ATG13: variants seen among roughly 807,000 people sequenced by gnomAD.
The protein encoded by ATG13 is autophagy related 13, also known as autophagy-related protein 13.
ATG13 carries 23 observed loss-of-function variants against 65.5 expected under a neutral mutation model. The observed-to-expected ratio is 0.35, with a 90% CI of 0.25 to 0.50. The LOEUF (loss-of-function observed/expected upper bound fraction) is 0.50, where lower values mean the gene tolerates loss of function less well. ATG13 is among the 20% of genes least tolerant of loss of function. The pLI, the probability that ATG13 is intolerant of heterozygous loss-of-function variation, is 0.98. For missense variants in ATG13, 566 were observed against 677.0 expected, an observed-to-expected ratio of 0.84 and a Z score of 1.82; for synonymous variants, 252 against 245.2, an observed-to-expected ratio of 1.03 and a Z score of -0.26.
At chr11:46,666,098 C>T (rs534572479) in intron 14 of ATG13, among the ~76,000 whole-genome samples, 8 of 152,216 alleles carry the variant, frequency 5.3e-5, no homozygotes, top group South Asian at 2.1e-4. Context: ...TGAGCCACCA[C>T]GCACAGCCTC....
intron 13 of ATG13, 41 bp downstream of exon 13, chr11:46,665,000 G>C: frequency 1.3e-6 from 2 of 1,567,182 alleles, no homozygotes; most frequent in Non-Finnish European, 1.8e-6. Flanking sequence ...TTCCAGTGCT[G>C]CCTCCCCTGC....
chr11:46,632,995 T>TAAAAAA (rs369521444), intron 2 of ATG13, among the ~76,000 whole-genome samples: 19 of 104,364 alleles, frequency 1.8e-4, no homozygotes, highest in African/African-American at 8.8e-4. Context: ...AGACCCCCAT[T>TAAAAAA]AAAAAAAAAT....
At chr11:46,657,062 C>A (rs1438871242) in intron 8 of ATG13, 33 bp from the exon 9 acceptor site, 1 of 1,560,306 alleles carries the variant, frequency 6.4e-7, no homozygotes, top group East Asian at 2.2e-5. Context: ...GTATTCTCTG[C>A]AAAAGAAGCT....
At chr11:46,665,306 C>A (rs1218442304) in intron 13 of ATG13, 77 bp from the exon 14 acceptor site, 3 of 1,527,262 alleles carry the variant, frequency 2.0e-6, no homozygotes, top group South Asian at 1.2e-5. Flanking sequence ...AAAGCAGATA[C>A]CATCATGCTA....
In ATG13 at chr11:46,632,021, A is replaced by G. The variant is rs1024617917; in HGVS notation, c.-14+1921A>G. Among the ~76,000 whole-genome samples, 184 of 152,348 alleles carry G rather than the reference A, an allele frequency of 1.2e-3. 1 individual carries two copies. The highest frequency in any genetic ancestry group is 5.2e-4 in the Admixed American group (8 of 15,306). On this transcript the variant is annotated intron_variant, in intron 2 of 18. Transcript: ENST00000683050. Reference sequence around the variant, plus strand: ...TTGCAAAATTGAAATTGCTATTTAAAGTCCAATAAATAGTTTTTATTACTC... The same window carrying G: ...TTGCAAAATTGAAATTGCTATTTAAGGTCCAATAAATAGTTTTTATTACTC...
Position 46,624,464 on chromosome 11 carries a change from C to A in ATG13, c.-69-5581C>A, listed in dbSNP as rs558144551. Among the ~76,000 whole-genome samples, 6 of 151,976 alleles carry A rather than the reference C, an allele frequency of 3.9e-5. No homozygotes were observed. The South Asian group carries it at 1.2e-3, about 32-fold the overall frequency. On this transcript the variant is annotated intron_variant, in intron 1 of 18. Coordinates refer to ENST00000683050, the MANE Select transcript of ATG13 (RefSeq NM_001346311.2). ...CATTTAGTTGTCACACTTTATTCTC[C>A]TTTAATCTAAAATGGATCTTCAGAT...
chr11:46,672,311 C>T lies in ATG13; in HGVS notation c.1632C>T (p.Ala544=). 1.2e-6 allele frequency: 2 copies of T among 1,614,240 alleles called. No individual in the cohort carries two copies. Among genetic ancestry groups the T allele is most frequent in the Non-Finnish European group, 1.7e-6 (2 of 1,180,040 alleles). The change falls in exon 19 of 19, where the codon GCC becomes GCT. Residue 544 remains alanine, a synonymous_variant. Coordinates refer to ENST00000683050, the MANE Select transcript of ATG13 (RefSeq NM_001346311.2). ...AGAAGAATGTCCGCGAGTTTGATGC[C>T]TTTGTGGAAACCCTGCAGTAAAAGT... ...VHEKNVREFD[A]FVETLQ
intron 5 of ATG13, among the ~76,000 whole-genome samples, chr11:46,647,433 A>G (rs951424705): frequency 1.3e-5 from 2 of 151,606 alleles, no homozygotes; most frequent in African/African-American, 4.9e-5. Flanking sequence ...GCGTGCCACC[A>G]TGCCTGGCTA....
chr11:46,621,129 C>T (rs893275729), intron 1 of ATG13: 3 of 152,178 alleles, frequency 2.0e-5, no homozygotes, highest in African/African-American at 7.3e-5. Context: ...ATTCTCCTGC[C>T]TCAGCCTCCT....
intron 2 of ATG13, among the ~76,000 whole-genome samples, chr11:46,639,916 C>T (rs544065725): frequency 2.0e-5 from 3 of 148,954 alleles, no homozygotes; most frequent in East Asian, 3.9e-4. Context: ...TGTAGTGGCA[C>T]GATCTCAGCT....
chr11:46,652,831 C>T (rs2059191987), intron 7 of ATG13, among the ~76,000 whole-genome samples: 1 of 152,162 alleles, frequency 6.6e-6, no homozygotes, highest in South Asian at 2.1e-4. Flanking sequence ...AGGGTATTTA[C>T]TTAGCAAGAT....
In ATG13 at chr11:46,668,501, G is replaced by C; in HGVS notation, c.1254G>C (p.Val418=). The part of the protein sequence containing the change: ...GAFVNKPINQ[V]TLTSLDIPFA... ...GCTTTTCTCCTGTGTCTCTTCAGGT[G>C]ACCCTGACGAGTTTGGATATACCCT... Residue 418 remains valine (V), a splice_region_variant and synonymous_variant, in exon 16 of 19, where the codon GTG becomes GTC. Transcript: ENST00000683050. 6.2e-7 allele frequency: 1 copy of C among 1,613,882 alleles called. No individual in the cohort carries two copies. Among genetic ancestry groups the C allele is most frequent in the Non-Finnish European group, 8.5e-7 (1 of 1,179,726 alleles).
rs2064225602 is a variant in ATG13 at position 46,673,741 on chromosome 11, C to G, written c.*1409C>G. 6.6e-6 allele frequency: 1 copy of G among 152,230 alleles called. No homozygotes were observed. The highest frequency in any genetic ancestry group is 6.5e-5 in the Admixed American group (1 of 15,284). 9.4% of individuals were successfully genotyped at this position (152,230 alleles called of 1,614,324 possible). A position where few individuals can be genotyped will look rare whatever the true frequency, so the allele number is the denominator to read the frequency against. On this transcript the variant is annotated 3_prime_UTR_variant, in exon 19 of 19. Transcript: ENST00000683050. Reference sequence around the variant, plus strand: ...AAGTCAAGTGCCTAGCCTCACCCACCTATGATCTGTCCTTTCCCAGCCTCG... The same window carrying G: ...AAGTCAAGTGCCTAGCCTCACCCACGTATGATCTGTCCTTTCCCAGCCTCG...
chr11:46,647,147 C>G (rs981426893), intron 5 of ATG13, among the ~76,000 whole-genome samples: 1 of 152,208 alleles, frequency 6.6e-6, no homozygotes, highest in African/African-American at 2.4e-5. Flanking sequence ...GCTCTAGAAA[C>G]TTTCCCCCTT....
chr11:46,657,535 G>C lies in ATG13; in HGVS notation c.608G>C (p.Arg203Thr). The C allele has an allele frequency of 1.2e-6, 2 of 1,613,730 alleles. No homozygotes were observed. Among genetic ancestry groups the C allele is most frequent in the Non-Finnish European group, 1.7e-6 (2 of 1,179,648 alleles). The change falls in exon 10 of 19, where the codon AGG becomes ACG. Residue 203 changes from arginine to threonine, a missense_variant. Arg to Thr is a moderately conservative substitution (Grantham distance 71). Transcript: ENST00000683050. ...LAFMSTRQFE[R>T]TPPIMGIIID... ...TTATTGTATTACAGGCAATTTGAGA[G>C]GACCCCACCTATCATGGGGATTATT... is the stretch of plus-strand genomic sequence containing the variant.
chr11:46,650,041 C>T (rs1203504763), intron 6 of ATG13, 136 bp from the exon 7 acceptor site: 12 of 928,392 alleles, frequency 1.3e-5, no homozygotes, highest in Non-Finnish European at 1.7e-5. Context: ...AAAACATTGG[C>T]TTACCTCAGT....
At chr11:46,628,789 A>G (rs545878007) in intron 1 of ATG13, among the ~76,000 whole-genome samples, 55 of 152,284 alleles carry the variant, frequency 3.6e-4, no homozygotes, top group South Asian at 3.3e-3. Context: ...AATTATATCC[A>G]TTATAAATTT....
chr11:46,672,854 T>G lies in ATG13; in HGVS notation c.*522T>G, dbSNP rs923414402. The G allele has an allele frequency of 2.5e-5, 29 of 1,164,258 alleles. No homozygotes were observed. Among genetic ancestry groups the G allele is most frequent in the Non-Finnish European group, 8.8e-6 (8 of 904,372 alleles). The allele number at this position is 1,164,258 out of a possible 1,614,324, so 72.1% of individuals were successfully genotyped here. A position where few individuals can be genotyped will look rare whatever the true frequency, so the allele number is the denominator to read the frequency against. On this transcript the variant is annotated 3_prime_UTR_variant, in exon 19 of 19. Coordinates refer to ENST00000683050, the MANE Select transcript of ATG13 (RefSeq NM_001346311.2). The stretch of plus-strand genomic sequence containing the variant: ...GTCCCCTTTACTTCCTGCTATCTTC[T>G]TCTCCTCTTCTTCTCTCTCTTGCCT...
At chr11:46,634,440 C>G (rs2053186686) in intron 2 of ATG13, among the ~76,000 whole-genome samples, 1 of 150,798 alleles carries the variant, frequency 6.6e-6, no homozygotes, top group African/African-American at 2.4e-5. Context: ...TTTTTGTCGC[C>G]CAGGCTGGAG....
Sources: allele counts gnomAD v4.1 joint callset (sites outside exome capture counted in the v4.1 genomes callset), GRCh38; gene constraint gnomAD v4.1.1; transcripts MANE v1.5; gene names NCBI Gene and HGNC (gene_info 2026-07-23, HGNC 2026-07-21).